TMEM165: variants seen among roughly 807,000 people sequenced by gnomAD.
TMEM165 encodes the protein putative divalent cation/proton antiporter TMEM165.
A neutral mutation model predicts 30.0 loss-of-function variants in TMEM165; 19 were observed. That is an observed-to-expected ratio of 0.63 (90% CI 0.44 to 0.93). TMEM165 has a LOEUF of 0.93. TMEM165 is among the 40% of genes least tolerant of loss of function. The pLI, the probability that TMEM165 is intolerant of heterozygous loss-of-function variation, is 0.00. For missense variants in TMEM165, 340 were observed against 417.0 expected, an observed-to-expected ratio of 0.82 and a Z score of 1.61; for synonymous variants, 168 against 162.9, an observed-to-expected ratio of 1.03 and a Z score of -0.24.
chr4:55,404,333 T>G (rs1462582042), intron 1 of TMEM165, among the ~76,000 whole-genome samples: 2 of 152,076 alleles, frequency 1.3e-5, no homozygotes, highest in East Asian at 3.9e-4. Context: ...TTCTTCAGTT[T>G]TATAAACCAA....
At chr4:55,443,206 T>C (rs1043782856) in intron 3 of TMEM165, among the ~76,000 whole-genome samples, 3 of 152,154 alleles carry the variant, frequency 2.0e-5, no homozygotes, top group African/African-American at 7.2e-5. Flanking sequence ...CCAGGCGCAG[T>C]GGCTCACACC....
chr4:55,411,028 G>C (rs1198228767), intron 1 of TMEM165, among the ~76,000 whole-genome samples: 1 of 151,706 alleles, frequency 6.6e-6, no homozygotes, highest in Non-Finnish European at 1.5e-5. Flanking sequence ...CCAGCTACTT[G>C]TGAGGCTGAG....
chr4:55,407,825 C>T (rs1364636109), intron 1 of TMEM165, among the ~76,000 whole-genome samples: 1 of 152,192 alleles, frequency 6.6e-6, no homozygotes. Flanking sequence ...ACTAATTGAG[C>T]ACTTACTGTG....
Position 55,446,296 on chromosome 4 carries a change from C to T in TMEM165, c.409-5943C>T, listed in dbSNP as rs1723844283. On this transcript the variant is annotated intron_variant, in intron 3 of 3. Transcript: ENST00000608091. ...AAGAGATGGGGTCTCACTATGTTGC[C>T]TAGTCTGTTGTAGAACTCCTGAGCT... Among the ~76,000 whole-genome samples the T allele has an allele frequency of 2.0e-5, 3 of 151,850 alleles. No homozygotes were observed. In the South Asian group the frequency reaches 6.2e-4, roughly 32 times the overall value.
chr4:55,451,241 G>T (rs537078367), intron 3 of TMEM165, among the ~76,000 whole-genome samples: 8 of 152,054 alleles, frequency 5.3e-5, no homozygotes, highest in Non-Finnish European at 1.2e-4. Flanking sequence ...GATCACCAAT[G>T]AATTAAATGT....
intron 3 of TMEM165, chr4:55,435,360 ACT>A: frequency 6.3e-7 from 1 of 1,599,692 alleles, no homozygotes; most frequent in Non-Finnish European, 8.6e-7. Flanking sequence ...CATCTGAGTA[ACT>A]CTTAATGGGC....
chr4:55,403,151 A>T, intron 1 of TMEM165: 3 of 883,792 alleles, frequency 3.4e-6, no homozygotes, highest in Non-Finnish European at 4.8e-6. Context: ...AATTGTAAGC[A>T]TTTTCTTCTG....
intron 4 of TMEM165, among the ~76,000 whole-genome samples, chr4:55,418,776 G>A (rs997202658): frequency 1.3e-5 from 2 of 152,112 alleles, no homozygotes; most frequent in African/African-American, 4.8e-5. Flanking sequence ...GCCGGGTGCC[G>A]TCCCTCACGC....
chr4:55,431,446 C>T lies in TMEM165; in HGVS notation c.408+6803C>T, dbSNP rs377026335. ...GAAGCTCCTTTTAGAAGAAAGCTCA[C>T]CCAATCCAAACTTAAAAGGTTCTCT... On this transcript the variant is annotated intron_variant, in intron 3 of 3. Coordinates refer to the TMEM165 transcript ENST00000608091. 7.9e-5 allele frequency: 12 copies of T among 152,320 alleles called. No homozygotes were observed. In the South Asian group the frequency reaches 1.2e-3, roughly 16 times the overall value. The allele number at this position is 152,320 out of a possible 1,614,324, so 9.4% of individuals were successfully genotyped here. A position where few individuals can be genotyped will look rare whatever the true frequency, so the allele number is the denominator to read the frequency against.
chr4:55,411,954 T>C, intron 2 of TMEM165, 115 bp downstream of exon 2: 1 of 976,216 alleles, frequency 1.0e-6, no homozygotes, highest in Non-Finnish European at 1.6e-6. Flanking sequence ...TACACCTTAT[T>C]TGTGGTCTTC....
chr4:55,440,687 TTCTCCATAA>T (rs1421926753), intron 3 of TMEM165, among the ~76,000 whole-genome samples: 2 of 152,212 alleles, frequency 1.3e-5, no homozygotes, highest in Non-Finnish European at 2.9e-5. Context: ...AAGTGCTGAT[TTCTCCATAA>T]TCTTAAATTA....
rs533736710 is a variant in TMEM165 at position 55,411,038 on chromosome 4, G to A, written c.208-576G>A. Among the ~76,000 whole-genome samples the A allele has an allele frequency of 2.6e-5, 4 of 151,854 alleles. No individual in the cohort carries two copies. The South Asian group carries it at 8.3e-4, about 32-fold the overall frequency. ...TAATCCCAGCTACTTGTGAGGCTGA[G>A]GCAGGAGAATCGCTTGAACCTGGGA... On this transcript the variant is annotated intron_variant, in intron 1 of 5. Transcript: ENST00000381334.
intron 2 of TMEM165, 185 bp downstream of exon 2, chr4:55,412,024 C>T: frequency 1.5e-6 from 1 of 645,622 alleles, no homozygotes; most frequent in Non-Finnish European, 2.7e-6. Context: ...TGTACCCCCT[C>T]TCGCATAGTT....
chr4:55,453,184 T>G (rs544412151), exon 4 of TMEM165: 4 of 1,325,882 alleles, frequency 3.0e-6, no homozygotes, highest in Non-Finnish European at 2.2e-6. Flanking sequence ...TTTAAAATAC[T>G]GCACAGCTGT....
chr4:55,417,946 T>A lies in TMEM165; in HGVS notation c.753T>A (p.Asp251Glu). 6.2e-7 allele frequency: 1 copy of A among 1,613,594 alleles called. No homozygotes were observed. Among genetic ancestry groups the A allele is most frequent in the Non-Finnish European group, 8.5e-7 (1 of 1,179,870 alleles). The stretch of plus-strand genomic sequence containing the variant: ...TAACATTCTTAGCAGAATGGGGTGA[T>A]CGCTCTCAACTAACTACAATTGTAT... ...LTLTFLAEWG[D>E]RSQLTTIVLA... Residue 251 changes from aspartate (D) to glutamate (E), a missense_variant, in exon 4 of 6, where the codon GAT becomes GAA. Asp to Glu is a conservative substitution (Grantham distance 45). Coordinates refer to ENST00000381334, the MANE Select transcript of TMEM165 (RefSeq NM_018475.5).
chr4:55,448,656 G>C, intron 3 of TMEM165: 2 of 544,690 alleles, frequency 3.7e-6, no homozygotes. Context: ...TCCTACCTCA[G>C]CCTCCCAAGT....
chr4:55,445,582 CTTT>C lies in TMEM165; in HGVS notation c.409-6633_409-6631del, dbSNP rs56157186. Among the ~76,000 whole-genome samples, 80 of 68,586 alleles carry C rather than the reference CTTT, an allele frequency of 1.2e-3. 1 individual carries two copies. Among genetic ancestry groups the C allele is most frequent in the South Asian group, 8.0e-3 (10 of 1,250 alleles). 45.0% of individuals were successfully genotyped at this position (68,586 alleles called of 152,430 possible). On this transcript the variant is annotated intron_variant, in intron 3 of 3. Transcript: ENST00000608091. ...TCTCTGCATCTGCTATTTCTATATT[CTTT>C]TTTTTTTTTTTTTTTTTTTTTTTGA...
intron 3 of TMEM165, among the ~76,000 whole-genome samples, chr4:55,450,872 T>C (rs1724379993): frequency 6.6e-6 from 1 of 152,000 alleles, no homozygotes; most frequent in Non-Finnish European, 1.5e-5. Flanking sequence ...GCCAGGTGAA[T>C]GCCTGCGGTG....
intron 3 of TMEM165, chr4:55,432,711 C>G (rs555640735): frequency 9.9e-5 from 15 of 152,148 alleles, no homozygotes; most frequent in African/African-American, 3.1e-4. Flanking sequence ...GTGCTTACTA[C>G]CTCTTCCACT....
Sources: gnomAD v4.1 joint callset for allele counts (sites outside exome capture counted in the v4.1 genomes callset) on GRCh38, gnomAD v4.1.1 for gene constraint, MANE v1.5 for transcripts, NCBI Gene and HGNC (gene_info 2026-07-23, HGNC 2026-07-21) for gene names.